Variants in TTC17 observed in about 807,000 individuals in gnomAD.
TTC17 encodes tetratricopeptide repeat domain 17.
In TTC17, 58 loss-of-function variants were observed where a neutral mutation model predicts 143.8. The ratio of observed to expected loss-of-function variants is 0.40; its 90% confidence interval spans 0.33 to 0.50. The LOEUF (loss-of-function observed/expected upper bound fraction) is 0.50. Ranked by LOEUF, TTC17 falls within the 20% of genes least tolerant of loss-of-function variation. The pLI is 0.49. For synonymous variants in TTC17, 501 were observed against 497.8 expected (o/e 1.01, Z -0.09); for missense variants, 1,273 against 1,392.5 (o/e 0.91, Z 1.37).
Position 43,450,082 on chromosome 11 carries a change from C to T in TTC17, c.2787C>T (p.Asp929=). 6.2e-7 allele frequency: 1 copy of T among 1,611,332 alleles called. No individual in the cohort carries two copies. The highest frequency in any genetic ancestry group is 1.1e-5 in the South Asian group (1 of 90,568). The change falls in exon 20 of 24, where the codon GAC becomes GAT. Residue 929 remains aspartate, a splice_region_variant and synonymous_variant. Coordinates refer to ENST00000039989, the MANE Select transcript of TTC17 (RefSeq NM_018259.6). ...TWLAVSSKNI[D]ITEHIDFATP... ...TAATGTGGTAATCTCCATTTTTCAG[C>T]ATCACAGAACACATAGATTTTGCCA...
chr11:43,408,308 A>C (rs1858239958), intron 15 of TTC17, among the ~76,000 whole-genome samples: 1 of 152,224 alleles, frequency 6.6e-6, no homozygotes, highest in Non-Finnish European at 1.5e-5. Context: ...TGGTGTCTGA[A>C]AACTGATTTT....
At chr11:43,406,880 T>C (rs757191416) in intron 13 of TTC17, among the ~76,000 whole-genome samples, 22 of 152,354 alleles carry the variant, frequency 1.4e-4, no homozygotes, top group East Asian at 3.8e-4. Context: ...AGGCTGACTT[T>C]AATGGGGTAT....
At chr11:43,462,613 G>T (rs1289529205) in intron 21 of TTC17, among the ~76,000 whole-genome samples, 1 of 152,184 alleles carries the variant, frequency 6.6e-6, no homozygotes, top group African/African-American at 2.4e-5. Context: ...TGAAGGAATA[G>T]ATTTTTATTG....
intron 21 of TTC17, among the ~76,000 whole-genome samples, chr11:43,474,776 A>G (rs2134842674): frequency 6.6e-6 from 1 of 152,358 alleles, no homozygotes; most frequent in African/African-American, 2.4e-5. Flanking sequence ...ATGATAACAT[A>G]AACAGTTGGT....
intron 19 of TTC17, 68 bp from the exon 20 acceptor site, chr11:43,450,014 C>A: frequency 6.6e-7 from 1 of 1,513,172 alleles, no homozygotes; most frequent in Non-Finnish European, 9.0e-7. Flanking sequence ...ATTGTTAATG[C>A]TGTCTCTCTT....
chr11:43,414,112 T>C (rs1046682153), intron 15 of TTC17, among the ~76,000 whole-genome samples: 2 of 152,208 alleles, frequency 1.3e-5, no homozygotes, highest in African/African-American at 4.8e-5. Flanking sequence ...AACAATGAGC[T>C]ACTGATGTAT....
intron 2 of TTC17, among the ~76,000 whole-genome samples, chr11:43,387,222 T>G (rs753645569): frequency 7.9e-4 from 121 of 152,332 alleles, no homozygotes; most frequent in Non-Finnish European, 6.0e-4. Context: ...GTTGATATAG[T>G]CCATATTTTA....
chr11:43,464,318 A>G (rs1247160342), intron 21 of TTC17, among the ~76,000 whole-genome samples: 1 of 152,006 alleles, frequency 6.6e-6, no homozygotes, highest in Non-Finnish European at 1.5e-5. Flanking sequence ...CTTCTACTAC[A>G]CACCAAGATA....
intron 1 of TTC17, among the ~76,000 whole-genome samples, chr11:43,369,836 CGAACTCCT>C (rs1427419560): frequency 6.6e-6 from 1 of 152,012 alleles, no homozygotes; most frequent in Non-Finnish European, 1.5e-5. Context: ...AGGCTGGTCT[CGAACTCCT>C]GACCTCAGGA....
chr11:43,377,291 T>TA (rs973838997), intron 1 of TTC17, among the ~76,000 whole-genome samples: 15 of 147,278 alleles, frequency 1.0e-4, no homozygotes, highest in East Asian at 3.9e-4. Context: ...AGATTCCGTC[T>TA]AAAAAAAAAA....
At chr11:43,454,267 C>G (rs1325444812) in intron 21 of TTC17, among the ~76,000 whole-genome samples, 2 of 151,826 alleles carry the variant, frequency 1.3e-5, no homozygotes, top group African/African-American at 4.8e-5. Context: ...CCATACTGTT[C>G]ATAGTAGGGG....
intron 21 of TTC17, among the ~76,000 whole-genome samples, chr11:43,468,983 A>G (rs1049968292): frequency 1.3e-5 from 2 of 152,226 alleles, no homozygotes; most frequent in African/African-American, 4.8e-5. Context: ...CGTATATATG[A>G]TGGACTTGAG....
At chr11:43,393,421 A>AG (rs928513997) in intron 5 of TTC17, among the ~76,000 whole-genome samples, 1 of 151,538 alleles carries the variant, frequency 6.6e-6, no homozygotes, top group African/African-American at 2.4e-5. Flanking sequence ...AATAGGGGGA[A>AG]GGGGTGCACA....
chr11:43,427,426 C>T (rs1382094953), intron 16 of TTC17, among the ~76,000 whole-genome samples: 1 of 152,304 alleles, frequency 6.6e-6, no homozygotes, highest in East Asian at 1.9e-4. Context: ...CTGCCTTTTG[C>T]AGAATCCGTG....
chr11:43,442,382 C>T (rs1366112411), intron 16 of TTC17, among the ~76,000 whole-genome samples: 1 of 152,158 alleles, frequency 6.6e-6, no homozygotes. Flanking sequence ...CCAGAGCTCT[C>T]AGGTTTTCCT....
chr11:43,359,416 G>C, intron 1 of TTC17: 1 of 354,918 alleles, frequency 2.8e-6, no homozygotes, highest in Admixed American at 5.1e-5. Context: ...TTTTTAGCTC[G>C]GGGTTTAGAA....
chr11:43,494,091 A>C lies in TTC17; in HGVS notation c.*187A>C. 2 of 720,944 alleles carry C rather than the reference A, an allele frequency of 2.8e-6. No homozygotes were observed. The highest frequency in any genetic ancestry group is 1.8e-5 in the African/African-American group (1 of 55,438). The allele number at this position is 720,944 out of a possible 1,614,324, so 44.7% of individuals were successfully genotyped here. Reference sequence around the variant, plus strand: ...TTACGTTTCTCCTTTCCCCCAACCAACCTCAGAAGAGGCACCTTCAGAAAC... The same window carrying C: ...TTACGTTTCTCCTTTCCCCCAACCACCCTCAGAAGAGGCACCTTCAGAAAC... On this transcript the variant is annotated 3_prime_UTR_variant, in exon 24 of 24. Transcript: ENST00000039989.
intron 21 of TTC17, among the ~76,000 whole-genome samples, chr11:43,467,347 G>T (rs570708876): frequency 2.6e-5 from 4 of 152,134 alleles, no homozygotes; most frequent in Non-Finnish European, 5.9e-5. Context: ...TAAAAAGGAA[G>T]GAAATTCCAA....
chr11:43,448,566 T>G (rs1408908762), intron 19 of TTC17: 1 of 155,516 alleles, frequency 6.4e-6, no homozygotes, highest in Non-Finnish European at 1.4e-5. Flanking sequence ...TTCTACCCTT[T>G]AAGTGTTGGA....
Sources: gnomAD v4.1 joint callset for allele counts (sites outside exome capture counted in the v4.1 genomes callset) on GRCh38, gnomAD v4.1.1 for gene constraint, MANE v1.5 for transcripts, NCBI Gene and HGNC (gene_info 2026-07-23, HGNC 2026-07-21) for gene names.